The following BIRC6 variants were observed in gnomAD, a reference collection of about 807,000 sequenced individuals.
BIRC6 encodes the protein baculoviral IAP repeat containing 6.
A neutral mutation model predicts 503.3 loss-of-function variants in BIRC6; 98 were observed. The observed-to-expected ratio is 0.19, with a 90% CI of 0.17 to 0.23. The LOEUF is 0.23. Among genes scored for constraint, BIRC6 ranks in the 10% least tolerant of loss-of-function variants. The pLI, the probability that BIRC6 is intolerant of heterozygous loss-of-function variation, is 1.00. For missense variants in BIRC6, 5,360 were observed against 5,806.0 expected, an observed-to-expected ratio of 0.92 and a Z score of 2.50; for synonymous variants, 2,240 against 2,078.7, an observed-to-expected ratio of 1.08 and a Z score of -2.11.
intron 1 of BIRC6, among the ~76,000 whole-genome samples, chr2:32,369,945 AATATATATATATATATATAT>A (rs67839399): frequency 1.1e-4 from 5 of 44,224 alleles, no homozygotes; most frequent in Non-Finnish European, 1.8e-4. Flanking sequence ...AAAAAAAAAA[AATATATATATATATATATAT>A]ATATATATAT....
chr2:32,583,979 A>G (rs1358364120), intron 66 of BIRC6, among the ~76,000 whole-genome samples: 1 of 152,126 alleles, frequency 6.6e-6, no homozygotes, highest in Admixed American at 6.5e-5. Context: ...CGATCTGCCC[A>G]TCTTGGCCTC....
At chr2:32,478,484 A>C (rs1239862272) in intron 35 of BIRC6, 151 bp from the exon 36 acceptor site, 1 of 523,992 alleles carries the variant, frequency 1.9e-6, no homozygotes, top group African/African-American at 2.0e-5. Context: ...TCTTTTTTGC[A>C]TTCCATCTCA....
At chr2:32,430,701 A>AGTT (rs1439806999) in intron 11 of BIRC6, among the ~76,000 whole-genome samples, 164 bp from the exon 12 acceptor site, 1 of 151,646 alleles carries the variant, frequency 6.6e-6, no homozygotes, top group Non-Finnish European at 1.5e-5. Context: ...TAGTTATCTT[A>AGTT]GTTATATATA....
intron 5 of BIRC6, 64 bp downstream of exon 5, chr2:32,392,214 C>T: frequency 8.6e-7 from 1 of 1,157,586 alleles, no homozygotes; most frequent in Non-Finnish European, 1.2e-6. Flanking sequence ...GCAAAATTAT[C>T]ACATTTTTTT....
intron 23 of BIRC6, among the ~76,000 whole-genome samples, chr2:32,455,415 G>GT (rs1647775953): frequency 6.6e-6 from 1 of 150,760 alleles, no homozygotes; most frequent in Admixed American, 6.6e-5. Flanking sequence ...AAGTAGCCTG[G>GT]TTTGAGACAA....
intron 55 of BIRC6, among the ~76,000 whole-genome samples, chr2:32,516,671 A>G (rs1225278460): frequency 6.6e-6 from 1 of 151,752 alleles, no homozygotes; most frequent in Non-Finnish European, 1.5e-5. Context: ...ATTGTCATAT[A>G]TTATGATAAT....
chr2:32,541,844 C>T (rs1275312352), intron 61 of BIRC6, among the ~76,000 whole-genome samples: 1 of 152,068 alleles, frequency 6.6e-6, no homozygotes, highest in African/African-American at 2.4e-5. Context: ...TCTTGGATAA[C>T]CATATACAGT....
chr2:32,455,106 C>G (rs1019294973), intron 23 of BIRC6, among the ~76,000 whole-genome samples: 1 of 151,958 alleles, frequency 6.6e-6, no homozygotes, highest in Non-Finnish European at 1.5e-5. Context: ...GGGCCTGGCG[C>G]GGTGGCTCAT....
At chr2:32,581,858 T>C (rs891227792) in intron 66 of BIRC6, among the ~76,000 whole-genome samples, 25 of 152,280 alleles carry the variant, frequency 1.6e-4, no homozygotes, top group African/African-American at 5.3e-4. Context: ...ATCTATATTT[T>C]ATTTTATGTA....
In BIRC6 at chr2:32,467,946, A is replaced by G. The variant is rs2048734270; in HGVS notation, c.5615A>G (p.Lys1872Arg). 1 of 1,613,758 alleles carries G rather than the reference A, an allele frequency of 6.2e-7. No homozygotes were observed. Among genetic ancestry groups the G allele is most frequent in the Non-Finnish European group, 8.5e-7 (1 of 1,179,802 alleles). ...GRYGSTNARA[K>R]IPLGFYYGHT... is the part of the protein sequence containing the mutation. ...TACGGGAGTACAAATGCCAGAGCCAAAATCCCATTAGGATTTTACTATGGT... is the reference window on the plus strand; with the variant it reads ...TACGGGAGTACAAATGCCAGAGCCAGAATCCCATTAGGATTTTACTATGGT... Residue 1872 changes from lysine (K) to arginine (R), a missense_variant, in exon 28 of 74, where the codon AAA becomes AGA. Lys to Arg is a conservative substitution (Grantham distance 26, BLOSUM62 2). Around this residue, in one of 16 missense-constraint regions of BIRC6, gnomAD observed 2,299 missense variants for 2,267.2 expected, o/e 1.01. Coordinates refer to ENST00000421745, the MANE Select transcript of BIRC6 (RefSeq NM_016252.4).
chr2:32,428,430 C>T (rs938945247), intron 10 of BIRC6, among the ~76,000 whole-genome samples: 3 of 152,186 alleles, frequency 2.0e-5, no homozygotes, highest in African/African-American at 7.2e-5. Flanking sequence ...TGGACGCTCT[C>T]CATCAATCAA....
At chr2:32,513,460 A>G (rs912082807) in intron 54 of BIRC6, among the ~76,000 whole-genome samples, 1 of 152,084 alleles carries the variant, frequency 6.6e-6, no homozygotes. Flanking sequence ...TTAATGTACA[A>G]CTCTGGCAGG....
intron 66 of BIRC6, among the ~76,000 whole-genome samples, chr2:32,580,454 C>T (rs2060595643): frequency 6.6e-6 from 1 of 152,134 alleles, no homozygotes; most frequent in Non-Finnish European, 1.5e-5. Context: ...ATCACATATT[C>T]AGGGGACCTT....
In BIRC6 at chr2:32,595,001, A is replaced by G. The variant is rs531895426; in HGVS notation, c.13502-33A>G. 4.9e-5 allele frequency: 61 copies of G among 1,256,070 alleles called. No homozygotes were observed. In the Admixed American group the frequency reaches 1.2e-3, roughly 24 times the overall value. 77.8% of individuals were successfully genotyped at this position (1,256,070 alleles called of 1,614,324 possible). ...TTTTTAAAATATATACTTAAAATGT[A>G]TATGTTATTTATCTTGAAATATTAA... On this transcript the variant is annotated intron_variant, in intron 67 of 73. Coordinates refer to ENST00000421745, the MANE Select transcript of BIRC6 (RefSeq NM_016252.4).
chr2:32,373,901 G>A (rs1272906282), intron 1 of BIRC6, among the ~76,000 whole-genome samples: 2 of 152,196 alleles, frequency 1.3e-5, no homozygotes, highest in African/African-American at 4.8e-5. Flanking sequence ...AGGCTCTAAT[G>A]TGGAGGAACC....
chr2:32,594,798 C>T (rs1367991037), intron 67 of BIRC6, among the ~76,000 whole-genome samples: 1 of 152,076 alleles, frequency 6.6e-6, no homozygotes, highest in Admixed American at 6.6e-5. Context: ...TGTTTCACTT[C>T]CTCTTTTCAT....
intron 65 of BIRC6, among the ~76,000 whole-genome samples, chr2:32,549,768 C>A (rs2058309356): frequency 6.6e-6 from 1 of 152,142 alleles, no homozygotes; most frequent in African/African-American, 2.4e-5. Flanking sequence ...AGGACAAAGG[C>A]TAACAACTTC....
chr2:32,452,488 G>T lies in BIRC6; in HGVS notation c.4619-1320G>T, dbSNP rs79633570. The stretch of plus-strand genomic sequence containing the variant: ...TTAATATTTTAAAGATATGTAGAGG[G>T]ATCTTAGAATTGAGAACTGTTCCTC... On this transcript the variant is annotated intron_variant, in intron 22 of 73. Coordinates refer to ENST00000421745, the MANE Select transcript of BIRC6 (RefSeq NM_016252.4). Among the ~76,000 whole-genome samples, 119 of 152,156 alleles carry T rather than the reference G, an allele frequency of 7.8e-4. 4 individuals carry two copies. The East Asian group carries it at 0.021, about 27-fold the overall frequency.
intron 2 of BIRC6, among the ~76,000 whole-genome samples, chr2:32,378,538 A>G (rs753489742): frequency 1.3e-5 from 2 of 151,438 alleles, no homozygotes; most frequent in Non-Finnish European, 2.9e-5. Flanking sequence ...GCTCACTGCA[A>G]CCTTCATCTC....
Sources: gnomAD v4.1 joint callset for allele counts (sites outside exome capture counted in the v4.1 genomes callset) on GRCh38, gnomAD v4.1.1 for gene constraint, gnomAD v4.1.1 regional missense constraint, MANE v1.5 for transcripts, NCBI Gene and HGNC (gene_info 2026-07-23, HGNC 2026-07-21) for gene names.